RBFOX1: variants seen among roughly 807,000 people sequenced by gnomAD.
The protein encoded by RBFOX1 is RNA binding fox-1 homolog 1.
Under a neutral mutation model 57.7 loss-of-function variants are expected in RBFOX1, and 8 were observed. The ratio of observed to expected loss-of-function variants is 0.14; its 90% CI spans 0.08 to 0.25. The LOEUF (loss-of-function observed/expected upper bound fraction) is 0.25. Among genes scored for constraint, RBFOX1 ranks in the 10% least tolerant of loss-of-function variants. The pLI, the probability that RBFOX1 is intolerant of heterozygous loss-of-function variation, is 1.00. For missense variants in RBFOX1, 611 were observed against 548.5 expected (o/e 1.11, Z -1.14); for synonymous variants, 326 against 222.4 (o/e 1.47, Z -4.15).
Position 7,602,649 on chromosome 16 carries a change from G to T in RBFOX1, c.623-4636G>T, listed in dbSNP as rs551150817. ...AGGGAATGTGGGTTCATTTGCATGT[G>T]ATTTGCATATATTTACATAAGCCCG... On this transcript the variant is annotated intron_variant, in intron 9 of 15. Transcript: ENST00000550418. Among the ~76,000 whole-genome samples, 6 of 152,268 alleles carry T rather than the reference G, an allele frequency of 3.9e-5. No individual in the cohort carries two copies. In the East Asian group the frequency reaches 7.7e-4, roughly 20 times the overall value.
At chr16:5,525,150 A>G (rs2044188887) in intron 2 of RBFOX1, among the ~76,000 whole-genome samples, 2 of 152,072 alleles carry the variant, frequency 1.3e-5, no homozygotes, top group Admixed American at 6.5e-5. Flanking sequence ...GAGGATTGTG[A>G]TGCTCCCAGG....
chr16:6,378,956 G>C (rs757156141), intron 2 of RBFOX1, among the ~76,000 whole-genome samples: 30 of 152,082 alleles, frequency 2.0e-4, no homozygotes, highest in Non-Finnish European at 2.9e-4. Flanking sequence ...ATTGGCCCTG[G>C]AAAAAGAAAG....
intron 4 of RBFOX1, among the ~76,000 whole-genome samples, chr16:5,889,917 G>C (rs1003186576): frequency 1.3e-5 from 2 of 152,218 alleles, no homozygotes; most frequent in East Asian, 1.9e-4. Context: ...CACAGGATCT[G>C]GCAGAGGACG....
At position 5,245,591 on chromosome 16, in the gene RBFOX1, C is replaced by T. The variant is rs926384510; in HGVS notation, c.219+5486C>T. Among the ~76,000 whole-genome samples, 5 of 152,264 alleles carry T rather than the reference C, an allele frequency of 3.3e-5. No homozygotes were observed. In the South Asian group the frequency reaches 6.2e-4, roughly 19 times the overall value. ...TCCCAAGTAGCTGGAAATGCAGATG[C>T]GCACCACCATGCCTGACTTTTGTAT... On this transcript the variant is annotated intron_variant, in intron 1 of 2. Transcript: ENST00000585867.
chr16:5,736,981 T>G (rs1355769385), intron 3 of RBFOX1, among the ~76,000 whole-genome samples: 2 of 150,236 alleles, frequency 1.3e-5, no homozygotes, highest in Non-Finnish European at 3.0e-5. Context: ...ATTCCTATCT[T>G]TCTCTGATTC....
At chr16:7,172,154 A>T (rs2080825521) in intron 4 of RBFOX1, among the ~76,000 whole-genome samples, 1 of 152,188 alleles carries the variant, frequency 6.6e-6, no homozygotes, top group South Asian at 2.1e-4. Flanking sequence ...CATTTTTAGA[A>T]TTCTGCATCC....
chr16:7,554,105 T>C (rs1461386661), intron 5 of RBFOX1, among the ~76,000 whole-genome samples: 1 of 152,066 alleles, frequency 6.6e-6, no homozygotes, highest in Non-Finnish European at 1.5e-5. Context: ...CAAGATCCTG[T>C]CTCAAAAAAG....
intron 4 of RBFOX1, among the ~76,000 whole-genome samples, chr16:5,882,041 A>G (rs1019491562): frequency 6.6e-6 from 1 of 152,144 alleles, no homozygotes; most frequent in Non-Finnish European, 1.5e-5. Flanking sequence ...CCACATTCCT[A>G]TCAGGTCAGT....
At chr16:7,693,408 T>C (rs771622858) in intron 14 of RBFOX1, 3 of 1,297,848 alleles carry the variant, frequency 2.3e-6, no homozygotes, top group African/African-American at 3.1e-5. Flanking sequence ...CATCCAAGTC[T>C]CAGTATCCTT....
chr16:7,322,767 G>A (rs897861916), intron 4 of RBFOX1, among the ~76,000 whole-genome samples: 1 of 152,156 alleles, frequency 6.6e-6, no homozygotes, highest in African/African-American at 2.4e-5. Context: ...AGCCCTTGAG[G>A]TGGAGATGAT....
At chr16:6,090,697 C>A (rs549101054) in intron 1 of RBFOX1, among the ~76,000 whole-genome samples, 83 of 152,290 alleles carry the variant, frequency 5.5e-4, no homozygotes, top group Non-Finnish European at 9.8e-4. Context: ...GTTCTTTTGA[C>A]AACCTGCCAT....
chr16:5,718,998 C>T (rs893635697), intron 3 of RBFOX1, among the ~76,000 whole-genome samples: 1 of 151,126 alleles, frequency 6.6e-6, no homozygotes, highest in Non-Finnish European at 1.5e-5. Flanking sequence ...ATATTCCCAA[C>T]TTTATAAGAT....
chr16:6,103,442 A>G (rs1380780305), intron 1 of RBFOX1, among the ~76,000 whole-genome samples: 2 of 152,176 alleles, frequency 1.3e-5, no homozygotes, highest in African/African-American at 4.8e-5. Flanking sequence ...TAAATTTATT[A>G]TTACTGTTGT....
At chr16:7,499,531 GA>G in intron 4 of RBFOX1, among the ~76,000 whole-genome samples, 1 of 152,212 alleles carries the variant, frequency 6.6e-6, no homozygotes, top group South Asian at 2.1e-4. Flanking sequence ...TCAGATATAT[GA>G]AAAAATAAAA....
intron 4 of RBFOX1, among the ~76,000 whole-genome samples, chr16:7,111,189 G>C (rs997362112): frequency 2.0e-5 from 3 of 152,192 alleles, no homozygotes; most frequent in African/African-American, 7.2e-5. Context: ...GCAATGCTCA[G>C]TATTAAGGAG....
chr16:5,665,098 A>G (rs1044507342), intron 3 of RBFOX1, among the ~76,000 whole-genome samples: 1 of 134,620 alleles, frequency 7.4e-6, no homozygotes, highest in African/African-American at 2.8e-5. Flanking sequence ...GGTGTGCACC[A>G]CCATGGCTGG....
intron 3 of RBFOX1, among the ~76,000 whole-genome samples, chr16:6,959,384 T>A (rs942736910): frequency 6.6e-6 from 1 of 152,126 alleles, no homozygotes; most frequent in African/African-American, 2.4e-5. Context: ...TTTCAGAAAG[T>A]CGTTTTGTGG....
intron 2 of RBFOX1, among the ~76,000 whole-genome samples, chr16:5,540,160 A>T (rs2044872516): frequency 1.3e-5 from 2 of 152,244 alleles, no homozygotes. Context: ...CAAAATCAAA[A>T]GGATCTGGGG....
intron 1 of RBFOX1, among the ~76,000 whole-genome samples, chr16:6,182,799 G>A (rs2097074567): frequency 6.6e-6 from 1 of 152,112 alleles, no homozygotes; most frequent in Non-Finnish European, 1.5e-5. Context: ...TGTGAATATA[G>A]TATAGTACTA....
Sources: allele counts gnomAD v4.1 joint callset (sites outside exome capture counted in the v4.1 genomes callset), GRCh38; gene constraint gnomAD v4.1.1; transcripts MANE v1.5; gene names NCBI Gene and HGNC (gene_info 2026-07-23, HGNC 2026-07-21).